DENND1C: variants seen among roughly 807,000 people sequenced by gnomAD.
The protein encoded by DENND1C is DENN domain-containing protein 1C.
Under a neutral mutation model 87.9 loss-of-function variants are expected in DENND1C, and 64 were observed. The observed-to-expected ratio is 0.73, with a 90% CI of 0.60 to 0.90. The LOEUF (loss-of-function observed/expected upper bound fraction) is 0.90. Ranked by LOEUF, DENND1C falls within the 40% of genes least tolerant of loss-of-function variation. DENND1C has a pLI of 0.00. For missense variants in DENND1C, 980 were observed against 1,037.0 expected (o/e 0.95, Z 0.76); for synonymous variants, 384 against 424.4 (o/e 0.90, Z 1.17).
At chr19:6,470,056 G>T in intron 18 of DENND1C, 1 of 502,766 alleles carries the variant, frequency 2.0e-6, no homozygotes, top group Non-Finnish European at 3.5e-6. Context: ...AATTTTAAAG[G>T]GGCCGTGGGC....
At chr19:6,479,522 C>T in intron 4 of DENND1C, 147 bp downstream of exon 4, 1 of 976,236 alleles carries the variant, frequency 1.0e-6, no homozygotes, top group South Asian at 1.5e-5. Context: ...GTCCCTAGTT[C>T]TCAGGGCCCC....
At chr19:6,469,844 C>T (rs2092817981) in intron 18 of DENND1C, 1 of 582,622 alleles carries the variant, frequency 1.7e-6, no homozygotes, top group South Asian at 2.1e-5. Context: ...TGGAGGCAGT[C>T]ATCCCCAAAG....
chr19:6,481,296 C>T (rs73549066), intron 1 of DENND1C, among the ~76,000 whole-genome samples: 19,146 of 151,882 alleles, frequency 0.13, 1,274 homozygotes, highest in Middle Eastern at 0.22. Context: ...ACCCTCACGC[C>T]GACACAAGTC....
intron 17 of DENND1C, among the ~76,000 whole-genome samples, chr19:6,470,625 T>TTG (rs1555747465): frequency 6.9e-6 from 1 of 145,842 alleles, no homozygotes; most frequent in Non-Finnish European, 1.5e-5. Context: ...TTTTTGTTTT[T>TTG]TTTTTTTTTT....
rs1295359719 is a variant in DENND1C at position 6,468,321 on chromosome 19, G to A, written c.1704C>T (p.Ser568=). 3 of 1,613,646 alleles carry A rather than the reference G, an allele frequency of 1.9e-6. No individual in the cohort carries two copies. Among genetic ancestry groups the A allele is most frequent in the Non-Finnish European group, 2.5e-6 (3 of 1,179,816 alleles). The change falls in exon 22 of 23, where the codon AGC becomes AGT. Residue 568 remains serine, a synonymous_variant. Transcript: ENST00000381480. ...DLLSEILDSL[S]MGAKSAGSLR... is the part of the protein sequence containing the mutation. ...GGCTGCCTGCGCTCTTGGCTCCCAT[G>A]CTAAGACTGTCCAGAATCTCGCTCA...
chr19:6,467,495 C>T lies in DENND1C; in HGVS notation c.*9G>A. 2 of 1,571,414 alleles carry T rather than the reference C, an allele frequency of 1.3e-6. No individual in the cohort carries two copies. Among genetic ancestry groups the T allele is most frequent in the African/African-American group, 1.4e-5 (1 of 72,512 alleles). On this transcript the variant is annotated 3_prime_UTR_variant, in exon 23 of 23. Coordinates refer to ENST00000381480, the MANE Select transcript of DENND1C (RefSeq NM_024898.4). ...TGAGGGACTGGGGTCTCTCTTGGAC[C>T]CCTGATTCTTAACCCTCAAAGCACT...
rs1491109046 is a variant in DENND1C, at chr19:6,473,455, GGT to G, written c.1054-464_1054-463del. ...GGTGTGAGCCACCGCGCCCAGCCCT[GGT>G]TTTTTTTTTTTTTTTTTTCATTTCT... On this transcript the variant is annotated intron_variant, in intron 14 of 22. Coordinates refer to ENST00000381480, the MANE Select transcript of DENND1C (RefSeq NM_024898.4). Among the ~76,000 whole-genome samples, 66 of 135,584 alleles carry G rather than the reference GGT, an allele frequency of 4.9e-4. 1 individual carries two copies. The South Asian group carries it at 6.5e-3, about 13-fold the overall frequency. 88.9% of individuals were successfully genotyped at this position (135,584 alleles called of 152,430 possible).
chr19:6,471,786 G>A (rs1230107226), intron 15 of DENND1C, among the ~76,000 whole-genome samples: 1 of 152,152 alleles, frequency 6.6e-6, no homozygotes, highest in Non-Finnish European at 1.5e-5. Flanking sequence ...GGGATTACAG[G>A]CATGCACCAC....
At position 6,469,620 on chromosome 19, in the gene DENND1C, C is replaced by T; in HGVS notation, c.1383G>A (p.Gly461=). The part of the protein sequence containing the change: ...MYRSAKSGLK[G]VQSLLMYKDG... ...CCTTATACATTAGAAGGCTCTGCAC[C>T]CCCTTCAAGCCACTCTTGGCCTATA... Residue 461 remains glycine (G), a synonymous_variant, in exon 19 of 23, where the codon GGG becomes GGA. Coordinates refer to ENST00000381480, the MANE Select transcript of DENND1C (RefSeq NM_024898.4). 2 of 1,606,684 alleles carry T rather than the reference C, an allele frequency of 1.2e-6. No homozygotes were observed. Among genetic ancestry groups the T allele is most frequent in the African/African-American group, 2.7e-5 (2 of 74,854 alleles).
chr19:6,468,141 T>C (rs1257025115), intron 22 of DENND1C, 23 bp from the exon 23 acceptor site: 2 of 1,610,266 alleles, frequency 1.2e-6, no homozygotes, highest in Non-Finnish European at 1.7e-6. Flanking sequence ...GATAGGGAAG[T>C]TGTGGCTTTT....
chr19:6,468,811 T>G, intron 20 of DENND1C, 35 bp downstream of exon 20: 1 of 1,488,620 alleles, frequency 6.7e-7, no homozygotes, highest in Non-Finnish European at 8.9e-7. Flanking sequence ...CAGTGATAAT[T>G]CCAGGTGTGT....
chr19:6,475,369 C>A lies in DENND1C; in HGVS notation c.958G>T (p.Val320Phe). ...VSLLRLRLRK[V>F]ALAPGEGVSR... ...ACCCCTTCCCCGGGGGCCAGGGCGA[C>A]CTTCCTGAGCCGGAGCCTCAGCAGG... Residue 320 changes from valine to phenylalanine, a missense_variant, in exon 14 of 23, where the codon GTC becomes TTC. Val to Phe is a conservative substitution (Grantham distance 50). Transcript: ENST00000381480. 3.7e-6 allele frequency: 6 copies of A among 1,611,924 alleles called. No homozygotes were observed. The highest frequency in any genetic ancestry group is 5.1e-6 in the Non-Finnish European group (6 of 1,178,756).
In DENND1C at chr19:6,467,641, C is replaced by G. The variant is rs754895118; in HGVS notation, c.2269G>C (p.Ala757Pro). The part of the protein sequence containing the change: ...PRARPPKALL[A>P]ERAHLQPREE... ...CGTGGCTGGAGGTGAGCGCGCTCTGCCAGCAGGGCTTTGGGAGGCCGGGCT... is the reference window on the plus strand; with the variant it reads ...CGTGGCTGGAGGTGAGCGCGCTCTGGCAGCAGGGCTTTGGGAGGCCGGGCT... The change falls in exon 23 of 23, where the codon GCA (alanine) becomes CCA (proline). Residue 757 changes from alanine to proline, a missense_variant. Ala to Pro is a conservative substitution (Grantham distance 27, BLOSUM62 -1). Transcript: ENST00000381480. The G allele has an allele frequency of 6.5e-7, 1 of 1,543,892 alleles. No individual in the cohort carries two copies. The highest frequency in any genetic ancestry group is 8.7e-7 in the Non-Finnish European group (1 of 1,148,556).
In DENND1C at chr19:6,475,529, G is replaced by A. The variant is rs1258540205; in HGVS notation, c.882C>T (p.Thr294=). Residue 294 remains threonine (T), a synonymous_variant, in exon 13 of 23, where the codon ACC becomes ACT. Coordinates refer to ENST00000381480, the MANE Select transcript of DENND1C (RefSeq NM_024898.4). ...DVVVLNVDAN[T]LETTFNDVQA... ...GCACGTCGTTAAAGGTCGTCTCCAA[G>A]GTATTGGCGTCCACGTTCAGCACCA... The A allele has an allele frequency of 1.2e-6, 2 of 1,613,968 alleles. No homozygotes were observed. The highest frequency in any genetic ancestry group is 1.7e-5 in the Admixed American group (1 of 60,016).
In DENND1C at chr19:6,477,210, C is replaced by A; in HGVS notation, c.513+8G>T. The A allele has an allele frequency of 6.3e-7, 1 of 1,588,656 alleles. No individual in the cohort carries two copies. Among genetic ancestry groups the A allele is most frequent in the Non-Finnish European group, 8.6e-7 (1 of 1,167,886 alleles). On this transcript the variant is annotated splice_region_variant and intron_variant, in intron 8 of 22. Coordinates refer to ENST00000381480, the MANE Select transcript of DENND1C (RefSeq NM_024898.4). ...CCCGACCTTCCAGGGTCCCCGAGCC[C>A]CGCTCACCGGCTTGCTATTCCCCCG...
chr19:6,480,414 G>A lies in DENND1C; in HGVS notation c.18-363C>T, dbSNP rs543329477. ...CTGTGGCATGAGACTGCACAGATAT[G>A]AAGGACAGCCCGTGCAGTCCCAAGC... On this transcript the variant is annotated intron_variant, in intron 1 of 22. Coordinates refer to ENST00000381480, the MANE Select transcript of DENND1C (RefSeq NM_024898.4). 3,599 of 1,133,740 alleles carry A rather than the reference G, an allele frequency of 3.2e-3. 10 individuals are homozygous for A. Among genetic ancestry groups the A allele is most frequent in the Non-Finnish European group, 3.8e-3 (3,460 of 919,156 alleles). The allele number at this position is 1,133,740 out of a possible 1,614,324, so 70.2% of individuals were successfully genotyped here.
chr19:6,478,740 G>T (rs369298452), intron 6 of DENND1C, 43 bp downstream of exon 6: 3 of 1,581,126 alleles, frequency 1.9e-6, no homozygotes, highest in Non-Finnish European at 2.6e-6. Context: ...GAGGGGGGTG[G>T]GGGCTGGGAC....
At position 6,468,227 on chromosome 19, in the gene DENND1C, C is replaced by T; in HGVS notation, c.1791+7G>A. On this transcript the variant is annotated splice_region_variant and intron_variant, in intron 22 of 22. Coordinates refer to ENST00000381480, the MANE Select transcript of DENND1C (RefSeq NM_024898.4). ...GGTAGGGTTGGGGGAGTGGGCGAGG[C>T]TCTCACCAGGCTGAAGCAGCTGTCC... 1 of 1,613,024 alleles carries T rather than the reference C, an allele frequency of 6.2e-7. No individual in the cohort carries two copies. The highest frequency in any genetic ancestry group is 8.5e-7 in the Non-Finnish European group (1 of 1,179,466).
intron 14 of DENND1C, 114 bp downstream of exon 14, chr19:6,475,160 G>A (rs2092850987): frequency 1.3e-6 from 2 of 1,522,960 alleles, no homozygotes; most frequent in Admixed American, 3.6e-5. Flanking sequence ...GCATCCCAAA[G>A]TGTTGGGATT....
Sources: gnomAD v4.1 joint callset for allele counts (sites outside exome capture counted in the v4.1 genomes callset) on GRCh38, gnomAD v4.1.1 for gene constraint, MANE v1.5 for transcripts, NCBI Gene and HGNC (gene_info 2026-07-23, HGNC 2026-07-21) for gene names.